Variants in PAK1 observed in about 807,000 individuals in gnomAD.
PAK1 encodes the protein serine/threonine-protein kinase PAK 1.
PAK1 carries 29 observed loss-of-function variants against 67.4 expected under a neutral mutation model. The ratio of observed to expected loss-of-function variants is 0.43; its 90% CI spans 0.32 to 0.59. The LOEUF (loss-of-function observed/expected upper bound fraction) is 0.59. Ranked by LOEUF, PAK1 falls within the 20% of genes least tolerant of loss-of-function variation. PAK1 has a pLI of 0.07. For missense variants in PAK1, 337 were observed against 670.7 expected, an observed-to-expected ratio of 0.50 and a Z score of 5.50; for synonymous variants, 223 against 237.4, an observed-to-expected ratio of 0.94 and a Z score of 0.56.
In PAK1 at chr11:77,359,035, G is replaced by A; in HGVS notation, c.478-18C>T. 1 of 1,610,668 alleles carries A rather than the reference G, an allele frequency of 6.2e-7. No individual in the cohort carries two copies. The highest frequency in any genetic ancestry group is 1.7e-4 in the Middle Eastern group (1 of 6,010). On this transcript the variant is annotated intron_variant, in intron 5 of 14. Coordinates refer to ENST00000356341, the MANE Select transcript of PAK1 (RefSeq NM_002576.5). ...TTCACATTCTGTGCAAAGAAGAAAA[G>A]CAAGATGCATCTGGTCCAGCTGCCA...
At chr11:77,413,542 G>A (rs1311239244) in intron 1 of PAK1, among the ~76,000 whole-genome samples, 1 of 152,102 alleles carries the variant, frequency 6.6e-6, no homozygotes. Flanking sequence ...AAAATTAGCT[G>A]GATGGTGGCA....
At chr11:77,482,143 C>T in the PAK1 span, among the ~76,000 whole-genome samples, 1 of 152,060 alleles carries the variant, frequency 6.6e-6, no homozygotes, top group African/African-American at 2.4e-5. Flanking sequence ...CACACCCCAC[C>T]ACGCCCAGTT....
intron 12 of PAK1, 123 bp from the exon 13 acceptor site, chr11:77,336,405 G>A: frequency 3.2e-6 from 2 of 619,760 alleles, no homozygotes; most frequent in East Asian, 2.7e-5. Flanking sequence ...GCTATCCTTT[G>A]TCTCTCCAAA....
intron 14 of PAK1, among the ~76,000 whole-genome samples, chr11:77,331,792 TA>T (rs1941594621): frequency 7.3e-6 from 1 of 137,768 alleles, no homozygotes; most frequent in Non-Finnish European, 1.6e-5. Context: ...ATAATAATAA[TA>T]AAATGTAAAA....
chr11:77,441,745 C>T (rs541350509), intron 1 of PAK1, among the ~76,000 whole-genome samples: 1 of 152,342 alleles, frequency 6.6e-6, no homozygotes, highest in African/African-American at 2.4e-5. Flanking sequence ...CATCTCATCA[C>T]TACTCCTTTG....
chr11:77,504,708 G>A, the PAK1 span, among the ~76,000 whole-genome samples: 2 of 152,172 alleles, frequency 1.3e-5, no homozygotes, highest in African/African-American at 4.8e-5. Flanking sequence ...GATCTCTTGT[G>A]TTCTTATACC....
intron 2 of PAK1, among the ~76,000 whole-genome samples, chr11:77,382,720 G>A (rs2852381): frequency 0.11 from 16,595 of 152,104 alleles, 2,195 homozygotes; most frequent in African/African-American, 0.3. Context: ...GGGAATGGCC[G>A]GGCACGGTGG....
At chr11:77,526,559 T>C in the PAK1 span, among the ~76,000 whole-genome samples, 1 of 152,190 alleles carries the variant, frequency 6.6e-6, no homozygotes, top group South Asian at 2.1e-4. Context: ...ATATGTGTGG[T>C]TTCATTTTTG....
the PAK1 span, among the ~76,000 whole-genome samples, chr11:77,512,371 G>A: frequency 7.1e-4 from 101 of 141,516 alleles, no homozygotes; most frequent in East Asian, 2.5e-3. Flanking sequence ...GTGGTCATTT[G>A]TGTGGTCTCT....
chr11:77,386,161 G>T (rs1286199026), intron 2 of PAK1, among the ~76,000 whole-genome samples: 1 of 152,116 alleles, frequency 6.6e-6, no homozygotes, highest in East Asian at 1.9e-4. Flanking sequence ...GGCTGACACT[G>T]CAAAATCCCA....
rs1291496259 is a variant in PAK1 at position 77,462,684 on chromosome 11, T to C, written c.-22+10868A>G. Among the ~76,000 whole-genome samples the C allele has an allele frequency of 2.6e-5, 4 of 151,860 alleles. No homozygotes were observed. The South Asian group carries it at 6.3e-4, about 24-fold the overall frequency. On this transcript the variant is annotated intron_variant, in intron 1 of 14. Transcript: ENST00000356341. ...CTATCTCTACTAAAAACACCAAAATTAGCCAGGCATGGTGCCTTGCACCTA... is the reference window on the plus strand; with the variant it reads ...CTATCTCTACTAAAAACACCAAAATCAGCCAGGCATGGTGCCTTGCACCTA...
chr11:77,401,024 G>C (rs1038764625), intron 1 of PAK1, among the ~76,000 whole-genome samples: 1 of 152,178 alleles, frequency 6.6e-6, no homozygotes. Context: ...GCTGACTCTA[G>C]AGGCAAAGGA....
intron 11 of PAK1, 72 bp from the exon 12 acceptor site, chr11:77,337,495 C>G (rs1942899865): frequency 1.4e-6 from 1 of 731,850 alleles, no homozygotes; most frequent in Non-Finnish European, 2.3e-6. Context: ...ATAGAAAATC[C>G]ACTAATTCAA....
chr11:77,420,877 T>C (rs1955223569), intron 1 of PAK1, among the ~76,000 whole-genome samples: 1 of 152,234 alleles, frequency 6.6e-6, no homozygotes, highest in African/African-American at 2.4e-5. Context: ...CATCCTAGAA[T>C]GCATAGTATA....
the PAK1 span, among the ~76,000 whole-genome samples, chr11:77,507,547 G>A: frequency 6.6e-6 from 1 of 151,548 alleles, no homozygotes; most frequent in Non-Finnish European, 1.5e-5. Context: ...TTTCAGACAG[G>A]GTCTCACTCT....
chr11:77,441,862 C>T (rs1399017913), intron 1 of PAK1, among the ~76,000 whole-genome samples: 1 of 152,202 alleles, frequency 6.6e-6, no homozygotes, highest in African/African-American at 2.4e-5. Flanking sequence ...AATGCTCAGA[C>T]CTGCAAGGAC....
chr11:77,438,977 C>G (rs902486436), intron 1 of PAK1, among the ~76,000 whole-genome samples: 2 of 152,172 alleles, frequency 1.3e-5, no homozygotes, highest in Admixed American at 1.3e-4. Context: ...GCCTGATTCT[C>G]TTAGCTGGAG....
At chr11:77,325,311 CT>C in intron 14 of PAK1, 1 of 1,613,770 alleles carries the variant, frequency 6.2e-7, no homozygotes, top group Non-Finnish European at 8.5e-7. Flanking sequence ...GGCTGAAATC[CT>C]GGATCTGCTA....
At chr11:77,453,954 G>A (rs538140362) in intron 1 of PAK1, among the ~76,000 whole-genome samples, 116 of 152,240 alleles carry the variant, frequency 7.6e-4, no homozygotes, top group Non-Finnish European at 1.5e-3. Context: ...ATGGTGGCAC[G>A]TGCCTGTAGC....
Sources: gnomAD v4.1 joint callset for allele counts (sites outside exome capture counted in the v4.1 genomes callset) on GRCh38, gnomAD v4.1.1 for gene constraint, MANE v1.5 for transcripts, NCBI Gene and HGNC (gene_info 2026-07-23, HGNC 2026-07-21) for gene names.